LRRTM4: variants seen among roughly 807,000 people sequenced by gnomAD.
LRRTM4 encodes leucine-rich repeat transmembrane neuronal protein 4.
In LRRTM4, 25 loss-of-function variants were observed where a neutral mutation model predicts 47.6. The ratio of observed to expected loss-of-function variants is 0.53; its 90% CI spans 0.38 to 0.73. The LOEUF is 0.73. Ranked by LOEUF, LRRTM4 falls within the 30% of genes least tolerant of loss-of-function variation. The pLI is 0.00. For missense variants in LRRTM4, 638 were observed against 713.4 expected (o/e 0.89, Z 1.20); for synonymous variants, 311 against 269.5 (o/e 1.15, Z -1.51).
Position 77,469,165 on chromosome 2 carries a change from G to A in LRRTM4, c.1551+49153C>T, listed in dbSNP as rs368857718. On this transcript the variant is annotated intron_variant, in intron 3 of 3. Transcript: ENST00000409884. ...AAGAGGTTAGCTTATTTCTGCCTAA[G>A]CATTTACATTTGGGGAAAGCAGTCA... 2.0e-4 allele frequency among the ~76,000 whole-genome samples: 31 copies of A among 152,256 alleles called. No homozygotes were observed. In the East Asian group the frequency reaches 4.5e-3, roughly 22 times the overall value.
At chr2:76,917,093 A>G (rs376031266) in intron 3 of LRRTM4, among the ~76,000 whole-genome samples, 1 of 152,294 alleles carries the variant, frequency 6.6e-6, no homozygotes, top group East Asian at 1.9e-4. Flanking sequence ...TTTTCTGCAA[A>G]GGGCCAGGAA....
At position 76,786,251 on chromosome 2, in the gene LRRTM4, G is replaced by A. The variant is rs112507062; in HGVS notation, c.1552-37335C>T. ...CGATTAAAAATAAGGCACACTTACA[G>A]CAATATTTTCCAATTGATCAATTTA... On this transcript the variant is annotated intron_variant, in intron 3 of 3. Transcript: ENST00000409884. Among the ~76,000 whole-genome samples the A allele has an allele frequency of 5.0e-3, 757 of 152,080 alleles. 3 individuals are homozygous for A. Among genetic ancestry groups the A allele is most frequent in the African/African-American group, 0.017 (687 of 41,496 alleles).
chr2:77,404,501 G>T (rs1244523913), intron 3 of LRRTM4, among the ~76,000 whole-genome samples: 3 of 151,918 alleles, frequency 2.0e-5, no homozygotes, highest in Non-Finnish European at 2.9e-5. Context: ...AATCTTTCAA[G>T]AACAAGAAAA....
At chr2:77,493,693 A>C (rs1282619946) in intron 3 of LRRTM4, among the ~76,000 whole-genome samples, 2 of 152,104 alleles carry the variant, frequency 1.3e-5, no homozygotes, top group East Asian at 3.8e-4. Context: ...CTTTCCCCCA[A>C]AAGTTGCAGG....
At chr2:77,457,566 A>G (rs1277815720) in intron 3 of LRRTM4, among the ~76,000 whole-genome samples, 2 of 151,780 alleles carry the variant, frequency 1.3e-5, no homozygotes, top group Non-Finnish European at 2.9e-5. Flanking sequence ...CTACTTGAAA[A>G]CGTTCCAATA....
intron 3 of LRRTM4, among the ~76,000 whole-genome samples, chr2:77,096,884 T>G (rs1404686595): frequency 6.6e-6 from 1 of 151,808 alleles, no homozygotes; most frequent in Non-Finnish European, 1.5e-5. Context: ...AGCTATCAAC[T>G]TAAGGTAATT....
chr2:76,941,607 T>A (rs984141758), intron 3 of LRRTM4, among the ~76,000 whole-genome samples: 3 of 152,188 alleles, frequency 2.0e-5, no homozygotes, highest in Non-Finnish European at 4.4e-5. Flanking sequence ...AAATAATGGT[T>A]TCCAGGTCAT....
At chr2:76,941,197 G>A (rs988551212) in intron 3 of LRRTM4, among the ~76,000 whole-genome samples, 1 of 152,138 alleles carries the variant, frequency 6.6e-6, no homozygotes, top group African/African-American at 2.4e-5. Flanking sequence ...AGGCGATAAA[G>A]CCATATCATC....
chr2:77,310,183 G>A (rs1677412493), intron 3 of LRRTM4, among the ~76,000 whole-genome samples: 1 of 152,078 alleles, frequency 6.6e-6, no homozygotes, highest in African/African-American at 2.4e-5. Flanking sequence ...AAAGGCATTT[G>A]CATGTGTATG....
chr2:77,359,475 A>G (rs986897413), intron 3 of LRRTM4, among the ~76,000 whole-genome samples: 1 of 152,204 alleles, frequency 6.6e-6, no homozygotes, highest in African/African-American at 2.4e-5. Flanking sequence ...TTGCCCTAAC[A>G]ATTTCCCTCC....
In LRRTM4 at chr2:77,426,981, CT is replaced by C. The variant is rs1370837107; in HGVS notation, c.1551+91336del. Among the ~76,000 whole-genome samples the C allele has an allele frequency of 0.013, 1,780 of 135,666 alleles. 67 individuals carry two copies. In the East Asian group the frequency reaches 0.15, roughly 12 times the overall value. 89.0% of individuals were successfully genotyped at this position (135,666 alleles called of 152,430 possible). ...AAGCTAAGGCTGTGACTGTGCCTGGCTTTTTTTTTTTTTTTTCTGACGGAGT... is the reference window on the plus strand; with the variant it reads ...AAGCTAAGGCTGTGACTGTGCCTGGCTTTTTTTTTTTTTTTCTGACGGAGT... On this transcript the variant is annotated intron_variant, in intron 3 of 3. Transcript: ENST00000409884.
At chr2:77,378,166 T>TC (rs1315604061) in intron 3 of LRRTM4, among the ~76,000 whole-genome samples, 6 of 152,104 alleles carry the variant, frequency 3.9e-5, no homozygotes, top group Non-Finnish European at 8.8e-5. Flanking sequence ...ATCTTTTTTT[T>TC]CTCTTTGGAT....
At chr2:77,095,227 A>G (rs1670773413) in intron 3 of LRRTM4, among the ~76,000 whole-genome samples, 1 of 152,226 alleles carries the variant, frequency 6.6e-6, no homozygotes, top group Non-Finnish European at 1.5e-5. Context: ...TGACAAAGTT[A>G]GAATGTCTAC....
At chr2:76,902,859 C>G (rs573066004) in intron 3 of LRRTM4, among the ~76,000 whole-genome samples, 1 of 151,970 alleles carries the variant, frequency 6.6e-6, no homozygotes, top group African/African-American at 2.4e-5. Context: ...ATGAAGTTTT[C>G]GAAAATGCTA....
chr2:77,436,473 A>T (rs1268155134), intron 3 of LRRTM4, among the ~76,000 whole-genome samples: 1 of 151,882 alleles, frequency 6.6e-6, no homozygotes, highest in Non-Finnish European at 1.5e-5. Flanking sequence ...TAATTTATAT[A>T]ATACCATAAG....
At chr2:77,254,090 T>G (rs923349225) in intron 3 of LRRTM4, among the ~76,000 whole-genome samples, 1 of 151,934 alleles carries the variant, frequency 6.6e-6, no homozygotes, top group Non-Finnish European at 1.5e-5. Flanking sequence ...TATATAGGTG[T>G]ACACACATAT....
At chr2:76,765,810 C>T (rs1208728081) in intron 3 of LRRTM4, among the ~76,000 whole-genome samples, 1 of 152,172 alleles carries the variant, frequency 6.6e-6, no homozygotes, top group Admixed American at 6.5e-5. Flanking sequence ...ACATAGGCAC[C>T]ATCACCATGG....
chr2:77,136,604 G>A (rs1572997423), intron 3 of LRRTM4, among the ~76,000 whole-genome samples: 2 of 152,144 alleles, frequency 1.3e-5, no homozygotes, highest in African/African-American at 4.8e-5. Context: ...TCCTCGCTAG[G>A]AAAAGAACAA....
intron 3 of LRRTM4, among the ~76,000 whole-genome samples, chr2:77,075,201 C>A (rs1680292304): frequency 6.6e-6 from 1 of 152,164 alleles, no homozygotes; most frequent in Non-Finnish European, 1.5e-5. Flanking sequence ...ATGTTACACC[C>A]TTTCAAAACT....
Sources: gnomAD v4.1 joint callset for allele counts (sites outside exome capture counted in the v4.1 genomes callset) on GRCh38, gnomAD v4.1.1 for gene constraint, MANE v1.5 for transcripts, NCBI Gene and HGNC (gene_info 2026-07-23, HGNC 2026-07-21) for gene names.